LY86: variants seen among roughly 807,000 people sequenced by gnomAD.
LY86 encodes the protein MD-1, RP105-associated.
A neutral mutation model predicts 17.3 loss-of-function variants in LY86; 20 were observed. That is an observed-to-expected ratio of 1.15 (90% CI 0.81 to 1.68). LY86 has a LOEUF of 1.68. LY86 is among the 40% of genes most tolerant of loss of function. The pLI, the probability that LY86 is intolerant of heterozygous loss-of-function variation, is 0.00. For synonymous variants in LY86, 74 were observed against 70.6 expected, an observed-to-expected ratio of 1.05 and a Z score of -0.24; for missense variants, 200 against 191.9, an observed-to-expected ratio of 1.04 and a Z score of -0.25.
intron 1 of LY86, among the ~76,000 whole-genome samples, chr6:6,604,146 ATACCC>A: frequency 6.6e-6 from 1 of 152,318 alleles, no homozygotes; most frequent in Non-Finnish European, 1.5e-5. Context: ...ATGGGGTCAT[ATACCC>A]TCAATTCACA....
chr6:6,619,633 T>C (rs1761629480), intron 1 of LY86, among the ~76,000 whole-genome samples: 1 of 152,226 alleles, frequency 6.6e-6, no homozygotes, highest in Non-Finnish European at 1.5e-5. Context: ...AGCATGCTTG[T>C]AATACCTAAC....
At chr6:6,628,722 A>G (rs1458828979) in intron 3 of LY86, among the ~76,000 whole-genome samples, 1 of 152,148 alleles carries the variant, frequency 6.6e-6, no homozygotes, top group African/African-American at 2.4e-5. Flanking sequence ...AAACTCCTTG[A>G]AGGAAGGCAT....
chr6:6,613,231 T>C (rs1024343603), intron 1 of LY86, among the ~76,000 whole-genome samples: 1 of 97,474 alleles, frequency 1.0e-5, no homozygotes, highest in Admixed American at 8.8e-5. Context: ...GATCCGGCAC[T>C]AGGGCCGCAG....
chr6:6,640,109 T>C (rs1561791795), intron 3 of LY86, among the ~76,000 whole-genome samples: 1 of 152,150 alleles, frequency 6.6e-6, no homozygotes, highest in Admixed American at 6.5e-5. Context: ...AACCACCACC[T>C]GCATGCCCTC....
chr6:6,601,840 C>T (rs1033722758), intron 1 of LY86, among the ~76,000 whole-genome samples: 1 of 152,178 alleles, frequency 6.6e-6, no homozygotes, highest in African/African-American at 2.4e-5. Flanking sequence ...GAATGCAGTA[C>T]CTGGGATGCC....
chr6:6,625,291 A>C (rs1170589084), intron 2 of LY86, among the ~76,000 whole-genome samples: 1 of 152,232 alleles, frequency 6.6e-6, no homozygotes, highest in Non-Finnish European at 1.5e-5. Context: ...CCAGCAAAAA[A>C]AAAGGAAAAT....
intron 1 of LY86, among the ~76,000 whole-genome samples, chr6:6,605,184 A>C (rs888079065): frequency 6.6e-6 from 1 of 152,208 alleles, no homozygotes; most frequent in Non-Finnish European, 1.5e-5. Context: ...GATAATGATG[A>C]ATTTGGAACA....
intron 3 of LY86, among the ~76,000 whole-genome samples, chr6:6,647,353 C>T (rs56176359): frequency 0.37 from 55,946 of 151,974 alleles, 10,604 homozygotes; most frequent in Middle Eastern, 0.44. Flanking sequence ...TCTCCCATCT[C>T]GAACAAAGAA....
intron 1 of LY86, among the ~76,000 whole-genome samples, chr6:6,614,502 TG>T (rs1275561250): frequency 6.6e-6 from 1 of 152,106 alleles, no homozygotes; most frequent in Non-Finnish European, 1.5e-5. Context: ...CCAGGCTCTC[TG>T]GTCTTGGCTC....
chr6:6,644,430 G>A (rs999395123), intron 3 of LY86, among the ~76,000 whole-genome samples: 1 of 152,002 alleles, frequency 6.6e-6, no homozygotes, highest in African/African-American at 2.4e-5. Flanking sequence ...GTGGGAAGAT[G>A]GGAGGATCAC....
rs577697445 is a variant in LY86 at position 6,654,760 on chromosome 6, G to A, written c.*133G>A. ...CTACAAAGAAGCGCCCCCAAAGAGT[G>A]CAGCTGCTAATTTTAGTCCCAGGAC... is the stretch of plus-strand genomic sequence containing the variant. On this transcript the variant is annotated 3_prime_UTR_variant, in exon 5 of 5. Transcript: ENST00000230568. 21 of 690,628 alleles carry A rather than the reference G, an allele frequency of 3.0e-5. 1 individual carries two copies. The South Asian group carries it at 3.7e-4, about 12-fold the overall frequency. 42.8% of individuals were successfully genotyped at this position (690,628 alleles called of 1,614,324 possible).
At chr6:6,621,846 T>C (rs887954090) in intron 1 of LY86, among the ~76,000 whole-genome samples, 2 of 152,164 alleles carry the variant, frequency 1.3e-5, no homozygotes, top group Non-Finnish European at 2.9e-5. Context: ...TTGCAGTATC[T>C]AGTGGAGGAA....
intron 1 of LY86, among the ~76,000 whole-genome samples, chr6:6,608,193 G>A (rs968957228): frequency 2.6e-5 from 4 of 152,172 alleles, no homozygotes; most frequent in African/African-American, 9.7e-5. Flanking sequence ...AAAAGAAAAT[G>A]TTAAAGGATT....
intron 4 of LY86, among the ~76,000 whole-genome samples, chr6:6,653,876 C>T (rs538739595): frequency 1.3e-5 from 2 of 152,350 alleles, no homozygotes; most frequent in South Asian, 4.1e-4. Context: ...TCCACCTCTA[C>T]TCCAAGTCAT....
At chr6:6,609,670 T>G (rs548942395) in intron 1 of LY86, among the ~76,000 whole-genome samples, 21 of 151,874 alleles carry the variant, frequency 1.4e-4, no homozygotes, top group Non-Finnish European at 2.1e-4. Flanking sequence ...CTAGGAAAAG[T>G]GCAAATTGAT....
At chr6:6,640,763 T>C (rs1038791573) in intron 3 of LY86, among the ~76,000 whole-genome samples, 1 of 151,426 alleles carries the variant, frequency 6.6e-6, no homozygotes, top group African/African-American at 2.4e-5. Flanking sequence ...AGGGTAGAGA[T>C]GAGTATATCT....
intron 1 of LY86, among the ~76,000 whole-genome samples, chr6:6,590,241 T>C (rs988090586): frequency 2.0e-5 from 3 of 151,104 alleles, no homozygotes; most frequent in East Asian, 2.0e-4. Context: ...CCTGAAATCA[T>C]AGATCGTTTT....
At chr6:6,600,605 A>T (rs1350468926) in intron 1 of LY86, among the ~76,000 whole-genome samples, 324 of 137,200 alleles carry the variant, frequency 2.4e-3, no homozygotes, top group Middle Eastern at 0.011. Flanking sequence ...AAAAAAAAAA[A>T]AAAAAAAAAA....
chr6:6,638,963 A>G (rs1172940701), intron 3 of LY86, among the ~76,000 whole-genome samples: 2 of 152,024 alleles, frequency 1.3e-5, no homozygotes, highest in Non-Finnish European at 2.9e-5. Context: ...GCTGCTATAA[A>G]GACACATGCA....
Sources: gnomAD v4.1 joint callset for allele counts (sites outside exome capture counted in the v4.1 genomes callset) on GRCh38, gnomAD v4.1.1 for gene constraint, MANE v1.5 for transcripts, NCBI Gene and HGNC (gene_info 2026-07-23, HGNC 2026-07-21) for gene names.